Variants in PKP2 observed in about 807,000 individuals in gnomAD.
PKP2 encodes plakophilin 2.
PKP2 carries 73 observed loss-of-function variants against 83.4 expected under a neutral mutation model. That is an observed-to-expected ratio of 0.88 (90% CI 0.72 to 1.06). The LOEUF (loss-of-function observed/expected upper bound fraction) is 1.06. Ranked by LOEUF, PKP2 falls within the 50% of genes least tolerant of loss-of-function variation. PKP2 has a pLI of 0.00. For synonymous variants in PKP2, 409 were observed against 430.4 expected (o/e 0.95, Z 0.62); for missense variants, 966 against 1,065.4 (o/e 0.91, Z 1.30).
chr12:32,888,536 C>A (rs2137984415), intron 1 of PKP2, among the ~76,000 whole-genome samples: 1 of 151,672 alleles, frequency 6.6e-6, no homozygotes, highest in Middle Eastern at 3.4e-3. Context: ...GTTGCCCAGG[C>A]TGGAGTGCAA....
chr12:32,819,270 T>C (rs1956349912), intron 9 of PKP2, among the ~76,000 whole-genome samples: 1 of 150,028 alleles, frequency 6.7e-6, no homozygotes, highest in Non-Finnish European at 1.5e-5. Flanking sequence ...AGAGTGAGAT[T>C]CCGCCTCAAA....
At chr12:32,889,780 A>C (rs1957061440) in intron 1 of PKP2, among the ~76,000 whole-genome samples, 1 of 152,150 alleles carries the variant, frequency 6.6e-6, no homozygotes, top group Non-Finnish European at 1.5e-5. Flanking sequence ...GCAGACTTTT[A>C]TTAGAAAAGC....
chr12:32,792,900 C>T lies in PKP2; in HGVS notation c.2358-169G>A, dbSNP rs537758202. On this transcript the variant is annotated intron_variant, in intron 11 of 12. Coordinates refer to ENST00000340811, the MANE Select transcript of PKP2 (RefSeq NM_001005242.3). ...CAATTAGGCAGCAAGCTCTGCAAGG[C>T]GGGGACCATATCTGTTTTTGTTTTC... The T allele has an allele frequency of 2.9e-5, 20 of 681,240 alleles. No individual in the cohort carries two copies. In the East Asian group the frequency reaches 3.3e-4, roughly 11 times the overall value. 42.2% of individuals were successfully genotyped at this position (681,240 alleles called of 1,614,324 possible).
chr12:32,817,446 C>G (rs1031278242), intron 9 of PKP2, among the ~76,000 whole-genome samples: 15 of 152,180 alleles, frequency 9.9e-5, no homozygotes, highest in Non-Finnish European at 2.1e-4. Flanking sequence ...TATTTTTCTA[C>G]TGGGCTGTCC....
chr12:32,890,406 T>C (rs990979818), intron 1 of PKP2, among the ~76,000 whole-genome samples: 3 of 152,348 alleles, frequency 2.0e-5, no homozygotes, highest in South Asian at 2.1e-4. Flanking sequence ...AATCAAGGAA[T>C]TGCAGAACTT....
chr12:32,809,324 G>A (rs1376547744), intron 9 of PKP2, among the ~76,000 whole-genome samples: 1 of 152,036 alleles, frequency 6.6e-6, no homozygotes, highest in African/African-American at 2.4e-5. Context: ...CAGCTGTGCT[G>A]TGTTGGGGGT....
At chr12:32,807,536 T>C (rs530671483) in intron 9 of PKP2, among the ~76,000 whole-genome samples, 2 of 152,314 alleles carry the variant, frequency 1.3e-5, no homozygotes, top group African/African-American at 4.8e-5. Flanking sequence ...CATTTAAGGC[T>C]AGTATTGTTA....
chr12:32,856,619 G>C (rs1956751447), intron 4 of PKP2, among the ~76,000 whole-genome samples: 1 of 152,098 alleles, frequency 6.6e-6, no homozygotes, highest in African/African-American at 2.4e-5. Flanking sequence ...AGGGGGAAAG[G>C]GGAGGGATAG....
chr12:32,792,890 C>A, intron 11 of PKP2, 159 bp from the exon 12 acceptor site: 2 of 697,216 alleles, frequency 2.9e-6, no homozygotes, highest in South Asian at 3.0e-5. Context: ...AGGCAGCAAG[C>A]TCTGCAAGGC....
At chr12:32,877,084 T>A (rs1956939378) in intron 3 of PKP2, among the ~76,000 whole-genome samples, 1 of 152,212 alleles carries the variant, frequency 6.6e-6, no homozygotes, top group African/African-American at 2.4e-5. Context: ...GACAATAACA[T>A]ATCTAATGTT....
chr12:32,879,643 A>G (rs998487911), intron 1 of PKP2, among the ~76,000 whole-genome samples: 4 of 152,084 alleles, frequency 2.6e-5, no homozygotes, highest in African/African-American at 9.7e-5. Flanking sequence ...AGCCTGGCCA[A>G]CATGGTGAAA....
Position 32,803,812 on chromosome 12 carries a change from A to T in PKP2, c.2014-1256T>A, listed in dbSNP as rs79191668. On this transcript the variant is annotated intron_variant, in intron 9 of 12. Coordinates refer to ENST00000340811, the MANE Select transcript of PKP2 (RefSeq NM_001005242.3). Reference sequence around the variant, plus strand: ...GTCATTTTATCCAATATTTGTAATAATTCTGTGCATGAAATAGTTTATATA... The same window carrying T: ...GTCATTTTATCCAATATTTGTAATATTTCTGTGCATGAAATAGTTTATATA... Among the ~76,000 whole-genome samples, 653 of 152,350 alleles carry T rather than the reference A, an allele frequency of 4.3e-3. 8 individuals carry two copies. Among genetic ancestry groups the T allele is most frequent in the African/African-American group, 0.015 (610 of 41,590 alleles).
chr12:32,829,382 G>A (rs1454049706), intron 6 of PKP2, among the ~76,000 whole-genome samples: 2 of 151,110 alleles, frequency 1.3e-5, no homozygotes. Context: ...AGCCTCCTGA[G>A]TAGCTGGGAC....
At chr12:32,792,896 A>C in intron 11 of PKP2, 165 bp from the exon 12 acceptor site, 1 of 690,382 alleles carries the variant, frequency 1.4e-6, no homozygotes. Flanking sequence ...CAAGCTCTGC[A>C]AGGCGGGGAC....
chr12:32,793,291 C>A (rs1245834228), intron 11 of PKP2, among the ~76,000 whole-genome samples: 3 of 151,852 alleles, frequency 2.0e-5, no homozygotes, highest in Non-Finnish European at 4.4e-5. Context: ...AGAAAAATCC[C>A]TGATATTTAT....
chr12:32,870,687 A>G (rs912883912), intron 3 of PKP2, among the ~76,000 whole-genome samples: 2 of 152,194 alleles, frequency 1.3e-5, no homozygotes, highest in Admixed American at 1.3e-4. Flanking sequence ...TCTAGTCTCA[A>G]GCTCAATGGC....
chr12:32,885,403 C>T (rs1327047125), intron 1 of PKP2, among the ~76,000 whole-genome samples: 1 of 152,154 alleles, frequency 6.6e-6, no homozygotes, highest in African/African-American at 2.4e-5. Flanking sequence ...CCTGTAATCC[C>T]AGCACTTTGG....
At chr12:32,819,727 T>A (rs1460998009) in intron 9 of PKP2, among the ~76,000 whole-genome samples, 1 of 152,130 alleles carries the variant, frequency 6.6e-6, no homozygotes, top group Admixed American at 6.6e-5. Context: ...GTGGCATAAA[T>A]ATCCCTGTAT....
chr12:32,896,565 A>G lies in PKP2; in HGVS notation c.167T>C (p.Ile56Thr), dbSNP rs760470852. 6.3e-7 allele frequency: 1 copy of G among 1,590,266 alleles called. No homozygotes were observed. Among genetic ancestry groups the G allele is most frequent in the Non-Finnish European group, 8.5e-7 (1 of 1,176,348 alleles). ...RGGQTVKSLR[I>T]QEQVQQTLAR... ...GAGGGTCTGCTGCACCTGCTCCTGGATCCGCAGGCTCTTGACTGTCTGGCC... is the reference window on the plus strand; with the variant it reads ...GAGGGTCTGCTGCACCTGCTCCTGGGTCCGCAGGCTCTTGACTGTCTGGCC... Residue 56 changes from isoleucine to threonine, a missense_variant, in exon 1 of 13, where the codon ATC (isoleucine) becomes ACC (threonine). Coordinates refer to ENST00000340811, the MANE Select transcript of PKP2 (RefSeq NM_001005242.3).
Sources: allele counts gnomAD v4.1 joint callset (sites outside exome capture counted in the v4.1 genomes callset), GRCh38; gene constraint gnomAD v4.1.1; transcripts MANE v1.5; gene names NCBI Gene and HGNC (gene_info 2026-07-23, HGNC 2026-07-21).